The following CFAP70 variants were observed in gnomAD, a reference collection of about 807,000 sequenced individuals.
CFAP70 encodes cilia and flagella associated protein 70, also known as cilia- and flagella-associated protein 70.
Under a neutral mutation model 137.6 loss-of-function variants are expected in CFAP70, and 81 were observed. The observed-to-expected ratio is 0.59, with a 90% CI of 0.49 to 0.71. The LOEUF (loss-of-function observed/expected upper bound fraction) is 0.71, where lower values mean the gene tolerates loss of function less well. Among genes scored for constraint, CFAP70 ranks in the 30% least tolerant of loss-of-function variants. The probability of loss-of-function intolerance (pLI) is 0.00; values close to 1 mark genes in which losing one functional copy is unlikely to be tolerated. For synonymous variants in CFAP70, 382 were observed against 423.6 expected, an observed-to-expected ratio of 0.90 and a Z score of 1.20; for missense variants, 976 against 1,226.7, an observed-to-expected ratio of 0.80 and a Z score of 3.05.
intron 2 of CFAP70, among the ~76,000 whole-genome samples, 188 bp from the exon 3 acceptor site, chr10:73,353,930 C>T (rs1191031611): frequency 6.6e-6 from 1 of 152,134 alleles, no homozygotes; most frequent in Admixed American, 6.5e-5. Context: ...TGCAACATTC[C>T]ATTGAAGTGC....
At chr10:73,322,367 A>C (rs1304760817) in intron 9 of CFAP70, among the ~76,000 whole-genome samples, 1 of 152,086 alleles carries the variant, frequency 6.6e-6, no homozygotes, top group Non-Finnish European at 1.5e-5. Context: ...ATTGCATATA[A>C]ATGTAATTAT....
In CFAP70 at chr10:73,322,876, T is replaced by C. The variant is rs914894106; in HGVS notation, c.912+87A>G. On this transcript the variant is annotated intron_variant, in intron 9 of 26. Coordinates refer to ENST00000310715, the Ensembl canonical transcript of CFAP70. ...TATACCAACTGGTTCTAAATATCAG[T>C]TGCAAAGATGTATATGCTAAAGATG... 15 of 1,181,444 alleles carry C rather than the reference T, an allele frequency of 1.3e-5. No homozygotes were observed. The African/African-American group carries it at 2.2e-4, about 17-fold the overall frequency. The allele number at this position is 1,181,444 out of a possible 1,614,324, so 73.2% of individuals were successfully genotyped here.
At chr10:73,267,621 T>C (rs1318704160) in intron 25 of CFAP70, among the ~76,000 whole-genome samples, 2 of 152,218 alleles carry the variant, frequency 1.3e-5, no homozygotes, top group South Asian at 2.1e-4. Flanking sequence ...AAAAATCTAC[T>C]ATAAGGCCTA....
At chr10:73,283,096 G>A (rs1488766179) in intron 19 of CFAP70, among the ~76,000 whole-genome samples, 1 of 152,120 alleles carries the variant, frequency 6.6e-6, no homozygotes, top group African/African-American at 2.4e-5. Context: ...GCTTCCCAAA[G>A]TGCTGGGATT....
At position 73,357,474 on chromosome 10, in the gene CFAP70, T is replaced by C. The variant is rs577222846; in HGVS notation, c.-40+1240A>G. Among the ~76,000 whole-genome samples the C allele has an allele frequency of 9.2e-5, 14 of 152,298 alleles. No individual in the cohort carries two copies. In the South Asian group the frequency reaches 2.9e-3, roughly 32 times the overall value. ...AACAACACACATAGCAAGTAGCAAG[T>C]AGCTTGCAGTGGTGGAGTAAGAAGA... On this transcript the variant is annotated intron_variant, in intron 1 of 26. Transcript: ENST00000310715.
At chr10:73,281,401 C>G (rs1044602572) in intron 19 of CFAP70, among the ~76,000 whole-genome samples, 10 of 151,468 alleles carry the variant, frequency 6.6e-5, no homozygotes, top group African/African-American at 2.4e-4. Flanking sequence ...TTTGTGCAGG[C>G]TGGTCTCAAA....
intron 15 of CFAP70, chr10:73,295,857 C>T (rs2048512434): frequency 6.6e-6 from 1 of 152,184 alleles, no homozygotes; most frequent in Non-Finnish European, 1.5e-5. Flanking sequence ...TTTCATAGCT[C>T]CCCAAATCTC....
intron 15 of CFAP70, 132 bp from the exon 17 acceptor site, chr10:73,293,520 T>C: frequency 1.4e-6 from 1 of 733,670 alleles, no homozygotes; most frequent in South Asian, 2.8e-5. Flanking sequence ...ATAATGACAG[T>C]CTTGCCAAAA....
intron 1 of CFAP70, among the ~76,000 whole-genome samples, chr10:73,355,896 G>C (rs149347295): frequency 1.3e-5 from 2 of 152,172 alleles, no homozygotes; most frequent in Non-Finnish European, 2.9e-5. Flanking sequence ...TGTCTTCCAC[G>C]AAACTGGTCC....
At position 73,269,721 on chromosome 10, in the gene CFAP70, C is replaced by A. The variant is rs765359731; in HGVS notation, c.2926-6G>T. ...GCCTCTGTGAGCTCCTCCAGCTTGA[C>A]AGAAAAATGAGACATGTGAGTTAGC... On this transcript the variant is annotated splice_region_variant and splice_polypyrimidine_tract_variant and intron_variant, in intron 24 of 26. Coordinates refer to ENST00000310715, the Ensembl canonical transcript of CFAP70. 1 of 1,600,222 alleles carries A rather than the reference C, an allele frequency of 6.2e-7. No homozygotes were observed. The highest frequency in any genetic ancestry group is 8.6e-7 in the Non-Finnish European group (1 of 1,168,086).
At chr10:73,345,989 C>A (rs938773035) in intron 4 of CFAP70, among the ~76,000 whole-genome samples, 1 of 151,416 alleles carries the variant, frequency 6.6e-6, no homozygotes, top group African/African-American at 2.4e-5. Context: ...AACCCCGCCT[C>A]CTGGGTTCAA....
At chr10:73,333,575 TGCAA>T (rs1325816312) in intron 7 of CFAP70, among the ~76,000 whole-genome samples, 5 of 151,992 alleles carry the variant, frequency 3.3e-5, no homozygotes, top group Non-Finnish European at 5.9e-5. Context: ...TCAGAAACCA[TGCAA>T]GCAAGAAGAC....
At chr10:73,357,797 T>G (rs916445839) in intron 1 of CFAP70, among the ~76,000 whole-genome samples, 1 of 152,192 alleles carries the variant, frequency 6.6e-6, no homozygotes, top group Admixed American at 6.5e-5. Flanking sequence ...CCTCACTCCG[T>G]CTCTACAGCA....
chr10:73,311,121 A>G (rs2049879914), intron 11 of CFAP70, among the ~76,000 whole-genome samples: 1 of 152,250 alleles, frequency 6.6e-6, no homozygotes, highest in African/African-American at 2.4e-5. Context: ...AAACTTTTAA[A>G]TAAGCCTTTC....
intron 3 of CFAP70, among the ~76,000 whole-genome samples, chr10:73,351,524 C>G (rs2054268921): frequency 6.6e-6 from 1 of 151,950 alleles, no homozygotes; most frequent in African/African-American, 2.4e-5. Flanking sequence ...ACCTCCACCT[C>G]TCAGGTTAAG....
rs183021486 is a variant in CFAP70 at position 73,354,096 on chromosome 10, T to C, written c.64-354A>G. Among the ~76,000 whole-genome samples, 3 of 152,346 alleles carry C rather than the reference T, an allele frequency of 2.0e-5. No homozygotes were observed. In the East Asian group the frequency reaches 5.8e-4, roughly 29 times the overall value. ...GTGCAGTGGCGCGATCTCAGCTCACTGCAAGCTACTGAGGAACATTTTTAA... is the reference window on the plus strand; with the variant it reads ...GTGCAGTGGCGCGATCTCAGCTCACCGCAAGCTACTGAGGAACATTTTTAA... On this transcript the variant is annotated intron_variant, in intron 2 of 26. Transcript: ENST00000310715.
intron 9 of CFAP70, among the ~76,000 whole-genome samples, chr10:73,319,704 T>C (rs1424918635): frequency 5.3e-5 from 8 of 152,336 alleles, no homozygotes; most frequent in Non-Finnish European, 8.8e-5. Context: ...TTGGTGCATA[T>C]ATGTGGTTTT....
chr10:73,353,891 A>C lies in CFAP70; in HGVS notation c.64-149T>G, dbSNP rs974366854. The stretch of plus-strand genomic sequence containing the variant: ...AAATACAAAAGGAATAGGTAGAAAA[A>C]TCATTAAACAAATCTAGTTTTACTT... On this transcript the variant is annotated intron_variant, in intron 2 of 26. Coordinates refer to ENST00000310715, the Ensembl canonical transcript of CFAP70. 5.9e-6 allele frequency: 4 copies of C among 679,700 alleles called. No homozygotes were observed. The African/African-American group carries it at 7.3e-5, about 12-fold the overall frequency. 42.1% of individuals were successfully genotyped at this position (679,700 alleles called of 1,614,324 possible). A position where few individuals can be genotyped will look rare whatever the true frequency, so the allele number is the denominator to read the frequency against.
At chr10:73,260,370 T>C (rs2133568169) in intron 25 of CFAP70, among the ~76,000 whole-genome samples, 1 of 152,260 alleles carries the variant, frequency 6.6e-6, no homozygotes, top group South Asian at 2.1e-4. Flanking sequence ...CCAGTTGGAA[T>C]TGTGTGTGAT....
Sources: allele counts gnomAD v4.1 joint callset (sites outside exome capture counted in the v4.1 genomes callset), GRCh38; gene constraint gnomAD v4.1.1; transcripts MANE v1.5; gene names NCBI Gene and HGNC (gene_info 2026-07-23, HGNC 2026-07-21).